Variants in PPM1B observed in about 807,000 individuals in gnomAD.
PPM1B encodes the protein protein phosphatase, Mg2+/Mn2+ dependent 1B.
In PPM1B, 22 loss-of-function variants were observed where a neutral mutation model predicts 43.0. That is an observed-to-expected ratio of 0.51 (90% CI 0.37 to 0.73). The LOEUF is 0.73. Among genes scored for constraint, PPM1B ranks in the 30% least tolerant of loss-of-function variants. The pLI is 0.00. For synonymous variants in PPM1B, 217 were observed against 197.9 expected, an observed-to-expected ratio of 1.10 and a Z score of -0.81; for missense variants, 632 against 584.2, an observed-to-expected ratio of 1.08 and a Z score of -0.84.
chr2:44,178,907 A>G (rs1353709984), intron 1 of PPM1B, among the ~76,000 whole-genome samples: 1 of 152,248 alleles, frequency 6.6e-6, no homozygotes, highest in African/African-American at 2.4e-5. Context: ...CAGTATTTCC[A>G]AAATGATTCA....
chr2:44,206,880 G>T (rs943590564), intron 2 of PPM1B, among the ~76,000 whole-genome samples: 5 of 151,934 alleles, frequency 3.3e-5, no homozygotes, highest in African/African-American at 1.2e-4. Flanking sequence ...GAATATCCAT[G>T]GTGTACTTTA....
intron 1 of PPM1B, among the ~76,000 whole-genome samples, chr2:44,189,157 C>T (rs1668284314): frequency 6.6e-6 from 1 of 152,142 alleles, no homozygotes; most frequent in African/African-American, 2.4e-5. Context: ...CAGGTGTGAG[C>T]CACCATGCCC....
At chr2:44,181,546 A>T (rs116772619) in intron 1 of PPM1B, among the ~76,000 whole-genome samples, 314 of 152,306 alleles carry the variant, frequency 2.1e-3, no homozygotes, top group African/African-American at 7.3e-3. Flanking sequence ...TTATGTGATG[A>T]TGCTAAAATT....
chr2:44,169,648 T>C (rs1437998241), intron 1 of PPM1B, among the ~76,000 whole-genome samples: 1 of 152,262 alleles, frequency 6.6e-6, no homozygotes, highest in Non-Finnish European at 1.5e-5. Context: ...CTCTTCCTGG[T>C]GCATGCCCTG....
chr2:44,224,706 C>G (rs1050492777), intron 5 of PPM1B, among the ~76,000 whole-genome samples: 2 of 147,230 alleles, frequency 1.4e-5, no homozygotes, highest in South Asian at 4.4e-4. Flanking sequence ...AGCTTAAAAA[C>G]TAGGGTGGAT....
intron 5 of PPM1B, chr2:44,230,073 C>CTAAA: frequency 6.5e-7 from 1 of 1,541,630 alleles, no homozygotes; most frequent in Middle Eastern, 1.7e-4. Flanking sequence ...TTCTTTTGTA[C>CTAAA]TAAATCATAT....
intron 5 of PPM1B, among the ~76,000 whole-genome samples, chr2:44,228,433 A>T (rs926114775): frequency 6.6e-6 from 1 of 152,044 alleles, no homozygotes; most frequent in Admixed American, 6.6e-5. Flanking sequence ...CCGTCTCCCA[A>T]AGTGGTGAAA....
At chr2:44,200,995 G>A (rs533057375) in intron 1 of PPM1B, among the ~76,000 whole-genome samples, 191 bp from the exon 2 acceptor site, 1 of 152,158 alleles carries the variant, frequency 6.6e-6, no homozygotes, top group East Asian at 1.9e-4. Flanking sequence ...ATTCTTACGC[G>A]CTAGGGCTGA....
chr2:44,173,893 A>G (rs1328636555), intron 1 of PPM1B, among the ~76,000 whole-genome samples: 3 of 152,252 alleles, frequency 2.0e-5, no homozygotes, highest in Non-Finnish European at 2.9e-5. Context: ...TAGTAAGCCA[A>G]GATCACGCCA....
intron 1 of PPM1B, among the ~76,000 whole-genome samples, chr2:44,176,081 G>A (rs1667569540): frequency 6.6e-6 from 1 of 152,098 alleles, no homozygotes; most frequent in African/African-American, 2.4e-5. Context: ...ACCATGCCCT[G>A]CCTGGTTTAA....
intron 1 of PPM1B, among the ~76,000 whole-genome samples, chr2:44,175,211 G>A (rs898013548): frequency 6.6e-6 from 1 of 152,108 alleles, no homozygotes; most frequent in Non-Finnish European, 1.5e-5. Context: ...CTGAAATCGC[G>A]CCACTGCATT....
intron 5 of PPM1B, chr2:44,218,896 C>A: frequency 2.1e-6 from 1 of 465,472 alleles, no homozygotes; most frequent in East Asian, 6.3e-5. Context: ...AGGCTGCTGC[C>A]ATCACCAGAA....
chr2:44,193,433 ACT>A (rs1668501652), intron 1 of PPM1B, among the ~76,000 whole-genome samples: 1 of 151,210 alleles, frequency 6.6e-6, no homozygotes, highest in African/African-American at 2.5e-5. Flanking sequence ...ACATGTTGTC[ACT>A]CTGTTACCCA....
At position 44,178,479 on chromosome 2, in the gene PPM1B, T is replaced by A. The variant is rs1667699491; in HGVS notation, c.-15+9205T>A. ...ATATATATATATATATATATATTTTTTTTTTTAGACAGAGTTTCGCTCTTG... is the reference window on the plus strand; with the variant it reads ...ATATATATATATATATATATATTTTATTTTTTAGACAGAGTTTCGCTCTTG... On this transcript the variant is annotated intron_variant, in intron 1 of 5. Coordinates refer to ENST00000282412, the MANE Select transcript of PPM1B (RefSeq NM_002706.6). Among the ~76,000 whole-genome samples, 3 of 147,864 alleles carry A rather than the reference T, an allele frequency of 2.0e-5. No homozygotes were observed. In the South Asian group the frequency reaches 6.3e-4, roughly 31 times the overall value.
At chr2:44,211,239 C>T (rs1045493247) in intron 3 of PPM1B, among the ~76,000 whole-genome samples, 1 of 152,180 alleles carries the variant, frequency 6.6e-6, no homozygotes, top group Non-Finnish European at 1.5e-5. Flanking sequence ...TATGTAGGTC[C>T]AGGATGCAGT....
intron 2 of PPM1B, among the ~76,000 whole-genome samples, chr2:44,204,012 T>A (rs189518927): frequency 2.8e-4 from 42 of 152,330 alleles, no homozygotes; most frequent in Middle Eastern, 3.4e-3. Context: ...GATGGCATCC[T>A]AGAATCTCAG....
chr2:44,216,673 A>C (rs776250218), intron 3 of PPM1B, among the ~76,000 whole-genome samples: 22 of 152,200 alleles, frequency 1.4e-4, no homozygotes, highest in Non-Finnish European at 2.8e-4. Context: ...CAGGCCTCTA[A>C]TCCCAGCATT....
intron 2 of PPM1B, among the ~76,000 whole-genome samples, chr2:44,206,374 T>G (rs1173119075): frequency 2.0e-5 from 3 of 152,224 alleles, no homozygotes; most frequent in Non-Finnish European, 4.4e-5. Context: ...ACTTGGTGTT[T>G]AGGGGAAAGC....
At chr2:44,238,397 T>A (rs1034630632), downstream of PPM1B, among the ~76,000 whole-genome samples, 1 of 152,180 alleles carries the variant, frequency 6.6e-6, no homozygotes, top group Non-Finnish European at 1.5e-5. Flanking sequence ...TACTGAAGTA[T>A]ACTCTTGAAA....
Sources: gnomAD v4.1 joint callset for allele counts (sites outside exome capture counted in the v4.1 genomes callset) on GRCh38, gnomAD v4.1.1 for gene constraint, MANE v1.5 for transcripts, NCBI Gene and HGNC (gene_info 2026-07-23, HGNC 2026-07-21) for gene names.